The following NHEJ1 variants were observed in gnomAD, a reference collection of about 807,000 sequenced individuals.
NHEJ1 encodes the protein non-homologous end-joining factor 1.
In NHEJ1, 22 loss-of-function variants were observed where a neutral mutation model predicts 39.4. The observed-to-expected ratio is 0.56, with a 90% CI of 0.40 to 0.80. The LOEUF (loss-of-function observed/expected upper bound fraction) is 0.80, where lower values mean the gene tolerates loss of function less well. NHEJ1 is among the 30% of genes least tolerant of loss of function. The pLI is 0.00. For synonymous variants in NHEJ1, 154 were observed against 135.6 expected, an observed-to-expected ratio of 1.14 and a Z score of -0.94; for missense variants, 329 against 357.1, an observed-to-expected ratio of 0.92 and a Z score of 0.63.
chr2:219,136,130 A>AT (rs1234182801), intron 5 of NHEJ1, among the ~76,000 whole-genome samples: 4 of 152,034 alleles, frequency 2.6e-5, no homozygotes, highest in Non-Finnish European at 4.4e-5. Context: ...TGGTTTTGAG[A>AT]TTTTTTAGGA....
chr2:219,092,667 C>G (rs979298295), intron 5 of NHEJ1, among the ~76,000 whole-genome samples: 11 of 152,170 alleles, frequency 7.2e-5, no homozygotes, highest in Non-Finnish European at 1.5e-4. Context: ...AACTCACGAA[C>G]CCAGGGTAAA....
chr2:219,090,566 C>T (rs1052280666), intron 5 of NHEJ1, among the ~76,000 whole-genome samples: 7 of 152,098 alleles, frequency 4.6e-5, no homozygotes, highest in Admixed American at 1.3e-4. Flanking sequence ...AAGAGTGAGA[C>T]ACATAAACAA....
chr2:219,145,876 G>A (rs1247889604), intron 5 of NHEJ1, among the ~76,000 whole-genome samples: 1 of 150,160 alleles, frequency 6.7e-6, no homozygotes, highest in Non-Finnish European at 1.5e-5. Context: ...AGGTTGCTGT[G>A]AGCCGAGATC....
At chr2:219,106,552 CAG>C (rs1168711710) in intron 5 of NHEJ1, among the ~76,000 whole-genome samples, 1 of 152,164 alleles carries the variant, frequency 6.6e-6, no homozygotes, top group African/African-American at 2.4e-5. Context: ...TCCTTGGACT[CAG>C]AGAAAACAAG....
intron 5 of NHEJ1, among the ~76,000 whole-genome samples, chr2:219,080,781 T>C (rs1418091529): frequency 6.6e-6 from 1 of 151,838 alleles, no homozygotes; most frequent in Non-Finnish European, 1.5e-5. Context: ...TCTACTACTA[T>C]TTCCCTGGCA....
intron 5 of NHEJ1, among the ~76,000 whole-genome samples, chr2:219,132,333 C>A (rs1177812590): frequency 6.6e-6 from 1 of 152,216 alleles, no homozygotes; most frequent in African/African-American, 2.4e-5. Context: ...TTAAGACTTG[C>A]ATTTCCTATG....
chr2:219,104,988 G>T (rs1268977386), intron 5 of NHEJ1, among the ~76,000 whole-genome samples: 2 of 152,182 alleles, frequency 1.3e-5, no homozygotes, highest in African/African-American at 4.8e-5. Flanking sequence ...CAAGAACTCA[G>T]ATGTATCACA....
intron 5 of NHEJ1, among the ~76,000 whole-genome samples, chr2:219,090,728 G>C (rs1205949275): frequency 1.3e-5 from 2 of 152,144 alleles, no homozygotes; most frequent in Non-Finnish European, 2.9e-5. Flanking sequence ...TCAACAGTAG[G>C]CCCTTCTTTT....
intron 5 of NHEJ1, among the ~76,000 whole-genome samples, chr2:219,127,231 C>T (rs911061797): frequency 1.3e-5 from 2 of 152,110 alleles, no homozygotes; most frequent in African/African-American, 4.8e-5. Context: ...AAGAAAAGAA[C>T]CAGAGGTTCA....
At position 219,073,666 on chromosome 2, in the gene NHEJ1, G is replaced by C. The variant is rs921354590; in HGVS notation, c.*2715C>G. 6.6e-6 allele frequency among the ~76,000 whole-genome samples: 1 copy of C among 152,322 alleles called. No individual in the cohort carries two copies. The highest frequency in any genetic ancestry group is 2.1e-4 in the South Asian group (1 of 4,832). ...CTGCTCCTGGTTTGCTGGCTTGCTC[G>C]TGTAAACCACCTTATATTATTTTTT... is the stretch of plus-strand genomic sequence containing the variant. On this transcript the variant is annotated 3_prime_UTR_variant, in exon 8 of 8. Coordinates refer to ENST00000356853, the MANE Select transcript of NHEJ1 (RefSeq NM_024782.3).
intron 5 of NHEJ1, among the ~76,000 whole-genome samples, chr2:219,129,014 T>C (rs13015674): frequency 0.52 from 79,021 of 151,982 alleles, 22,135 homozygotes; most frequent in Non-Finnish European, 0.63. Flanking sequence ...AATTAAGTCT[T>C]GGAATACCAC....
intron 5 of NHEJ1, among the ~76,000 whole-genome samples, chr2:219,132,249 T>C (rs1430781570): frequency 6.6e-6 from 1 of 152,240 alleles, no homozygotes; most frequent in Non-Finnish European, 1.5e-5. Context: ...TAGCTAATCT[T>C]ATCCATTTTA....
At chr2:219,099,502 G>A (rs1422349429) in intron 5 of NHEJ1, among the ~76,000 whole-genome samples, 1 of 152,204 alleles carries the variant, frequency 6.6e-6, no homozygotes, top group East Asian at 1.9e-4. Context: ...GCAATAGTGA[G>A]TCAGGAGCTA....
rs188570022 is a variant in NHEJ1, at chr2:219,081,741, T to C, written c.589-3535A>G. ...TAACAGAATTCTCAACAAAGGGTAA[T>C]AGGGAACCAGAGAAGAAGAAAGGGA... On this transcript the variant is annotated intron_variant, in intron 5 of 7. Transcript: ENST00000356853. Among the ~76,000 whole-genome samples, 45 of 152,308 alleles carry C rather than the reference T, an allele frequency of 3.0e-4. 2 individuals carry two copies. The highest frequency in any genetic ancestry group is 8.8e-5 in the Non-Finnish European group (6 of 68,026).
At chr2:219,104,734 T>C (rs1949299198) in intron 5 of NHEJ1, among the ~76,000 whole-genome samples, 1 of 151,990 alleles carries the variant, frequency 6.6e-6, no homozygotes, top group South Asian at 2.1e-4. Flanking sequence ...AAGAAACCAC[T>C]AGAAAATTAA....
chr2:219,083,521 A>T (rs1949085733), intron 5 of NHEJ1, among the ~76,000 whole-genome samples: 1 of 151,836 alleles, frequency 6.6e-6, no homozygotes, highest in South Asian at 2.1e-4. Flanking sequence ...GGTCTCAAAG[A>T]TGTGGATTTG....
intron 5 of NHEJ1, among the ~76,000 whole-genome samples, chr2:219,144,145 G>A (rs1949714521): frequency 6.6e-6 from 1 of 152,072 alleles, no homozygotes; most frequent in Non-Finnish European, 1.5e-5. Flanking sequence ...AGATTACAGT[G>A]AGCCGAGATC....
At chr2:219,151,127 CAAAAAAAAAA>C in intron 3 of NHEJ1, among the ~76,000 whole-genome samples, 1 of 56,008 alleles carries the variant, frequency 1.8e-5, no homozygotes, top group African/African-American at 7.1e-5. Context: ...GACCTTATCT[CAAAAAAAAAA>C]AAAAAAAAAA....
intron 5 of NHEJ1, among the ~76,000 whole-genome samples, chr2:219,125,059 A>AG: frequency 6.6e-6 from 1 of 152,264 alleles, no homozygotes; most frequent in South Asian, 2.1e-4. Context: ...CCATCTTCTC[A>AG]AAGGCAAACA....
Sources: gnomAD v4.1 joint callset for allele counts (sites outside exome capture counted in the v4.1 genomes callset) on GRCh38, gnomAD v4.1.1 for gene constraint, MANE v1.5 for transcripts, NCBI Gene and HGNC (gene_info 2026-07-23, HGNC 2026-07-21) for gene names.